The following ARHGEF18 variants were observed in gnomAD, a reference collection of about 807,000 sequenced individuals.
The protein encoded by ARHGEF18 is rho guanine nucleotide exchange factor 18.
In ARHGEF18, 93 loss-of-function variants were observed where a neutral mutation model predicts 155.7. That is an observed-to-expected ratio of 0.60 (90% CI 0.50 to 0.71). ARHGEF18 has a LOEUF of 0.71. Among genes scored for constraint, ARHGEF18 ranks in the 30% least tolerant of loss-of-function variants. The probability of loss-of-function intolerance (pLI) is 0.00; values close to 1 mark genes in which losing one functional copy is unlikely to be tolerated. For synonymous variants in ARHGEF18, 742 were observed against 753.1 expected (o/e 0.99, Z 0.24); for missense variants, 1,593 against 1,816.1 (o/e 0.88, Z 2.23).
At chr19:7,458,051 C>T (rs1315174390) in intron 18 of ARHGEF18, among the ~76,000 whole-genome samples, 2 of 151,942 alleles carry the variant, frequency 1.3e-5, no homozygotes, top group South Asian at 4.2e-4. Flanking sequence ...CTTTGGGAGG[C>T]CGAGATAGGA....
chr19:7,451,376 C>A, intron 16 of ARHGEF18, 110 bp downstream of exon 16: 6 of 871,378 alleles, frequency 6.9e-6, no homozygotes, highest in Non-Finnish European at 1.0e-5. Flanking sequence ...CCTTTGAAAT[C>A]CAGTTTGCTG....
the ARHGEF18 span, among the ~76,000 whole-genome samples, chr19:7,479,155 A>C: frequency 6.6e-6 from 1 of 152,178 alleles, no homozygotes; most frequent in Admixed American, 6.5e-5. Flanking sequence ...GGCTAGGGAA[A>C]AACACTGATT....
chr19:7,431,529 A>AG (rs1555718291), intron 10 of ARHGEF18, among the ~76,000 whole-genome samples: 5 of 146,844 alleles, frequency 3.4e-5, no homozygotes, highest in Non-Finnish European at 7.6e-5. Flanking sequence ...AAAAAAAAAA[A>AG]AAAAGGCCGG....
intron 10 of ARHGEF18, among the ~76,000 whole-genome samples, chr19:7,430,358 T>C (rs1410378413): frequency 7.7e-6 from 1 of 129,602 alleles, no homozygotes; most frequent in Non-Finnish European, 1.6e-5. Context: ...TACACTACCA[T>C]GCCTGGCTAA....
At position 7,348,999 on chromosome 19, in the gene ARHGEF18, T is replaced by A. The variant is rs1969096334; in HGVS notation, c.-353T>A. On this transcript the variant is annotated 5_prime_UTR_variant, in exon 1 of 29. Coordinates refer to ENST00000668164, the MANE Select transcript of ARHGEF18 (RefSeq NM_001367823.1). ...GGGCTCTCTGCCTCCAGAACCCCCATCCTCTGGGCTCTTTTTAGGCCCCTA... is the reference window on the plus strand; with the variant it reads ...GGGCTCTCTGCCTCCAGAACCCCCAACCTCTGGGCTCTTTTTAGGCCCCTA... The A allele has an allele frequency of 6.6e-6, 1 of 152,280 alleles. No individual in the cohort carries two copies. The highest frequency in any genetic ancestry group is 6.5e-5 in the Admixed American group (1 of 15,286). The allele number at this position is 152,280 out of a possible 1,614,324, so 9.4% of individuals were successfully genotyped here. A position where few individuals can be genotyped will look rare whatever the true frequency, so the allele number is the denominator to read the frequency against.
Position 7,462,249 on chromosome 19 carries a change from G to T in ARHGEF18, c.2550G>T (p.Leu850=). The T allele has an allele frequency of 6.2e-7, 1 of 1,613,878 alleles. No homozygotes were observed. Among genetic ancestry groups the T allele is most frequent in the East Asian group, 2.2e-5 (1 of 44,886 alleles). ...CCGAGATGGGCGGCCTCGAAGACCT[G>T]CCCCAGCCCCGAGGCCTATTCCGTG... ...EMAEMGGLED[L]PQPRGLFRGG... is the part of the protein sequence containing the mutation. The change falls in exon 21 of 29, where the codon CTG becomes CTT. Residue 850 remains leucine, a synonymous_variant. Coordinates refer to ENST00000668164, the MANE Select transcript of ARHGEF18 (RefSeq NM_001367823.1). The surrounding 1 kb of genome is among the most constrained non-coding windows in gnomAD (Gnocchi z 4.4).
chr19:7,444,104 C>T lies in ARHGEF18; in HGVS notation c.1361-100C>T. 6.7e-7 allele frequency: 1 copy of T among 1,495,562 alleles called. No individual in the cohort carries two copies. The highest frequency in any genetic ancestry group is 9.1e-7 in the Non-Finnish European group (1 of 1,101,704). The allele number at this position is 1,495,562 out of a possible 1,614,324, so 92.6% of individuals were successfully genotyped here. A position where few individuals can be genotyped will look rare whatever the true frequency, so the allele number is the denominator to read the frequency against. On this transcript the variant is annotated intron_variant, in intron 13 of 28. Coordinates refer to ENST00000668164, the MANE Select transcript of ARHGEF18 (RefSeq NM_001367823.1). The surrounding 1 kb of genome is among the most constrained non-coding windows in gnomAD (Gnocchi z 4.7). ...CACAAGGTCTTAGGCAGAGAACTCTCAGAAGCCAGTTCAGCACGTGAAGGG... is the reference window on the plus strand; with the variant it reads ...CACAAGGTCTTAGGCAGAGAACTCTTAGAAGCCAGTTCAGCACGTGAAGGG...
At chr19:7,468,186 G>C (rs112451544) in intron 26 of ARHGEF18, among the ~76,000 whole-genome samples, 3 of 151,220 alleles carry the variant, frequency 2.0e-5, no homozygotes, top group Non-Finnish European at 4.4e-5. Context: ...GGGCAACAGA[G>C]TGAGACATGA....
Position 7,383,069 on chromosome 19 carries a change from G to GC in ARHGEF18, c.836dup (p.Ala280SerfsTer98). 3 of 1,232,450 alleles carry GC rather than the reference G, an allele frequency of 2.4e-6. No homozygotes were observed. Among genetic ancestry groups the GC allele is most frequent in the Non-Finnish European group, 3.0e-6 (3 of 988,196 alleles). 76.3% of individuals were successfully genotyped at this position (1,232,450 alleles called of 1,614,324 possible). ...CACCTCTGTCCCATCCAGGGGAAGA[G>GC]CCCAGCACATCTGAAGGACAAGGGC... On this transcript the variant is annotated frameshift_variant, in exon 10 of 29. Coordinates refer to ENST00000668164, the MANE Select transcript of ARHGEF18 (RefSeq NM_001367823.1). LOFTEE classifies it high-confidence loss of function.
At chr19:7,377,074 C>T (rs910198425) in intron 5 of ARHGEF18, among the ~76,000 whole-genome samples, 10 of 130,320 alleles carry the variant, frequency 7.7e-5, no homozygotes, top group Non-Finnish European at 1.1e-4. Flanking sequence ...CTCTCTATGA[C>T]TCTTTTTTTT....
intron 2 of ARHGEF18, among the ~76,000 whole-genome samples, chr19:7,369,976 C>CA (rs1970126742): frequency 6.6e-6 from 1 of 151,928 alleles, no homozygotes. Flanking sequence ...CGGGGAGGAT[C>CA]ATCTGAAATC....
intron 1 of ARHGEF18, among the ~76,000 whole-genome samples, chr19:7,359,519 G>A (rs1195901322): frequency 2.0e-5 from 3 of 152,032 alleles, no homozygotes; most frequent in African/African-American, 7.3e-5. Flanking sequence ...TAAGAGCTAA[G>A]ACTATGACAC....
intron 10 of ARHGEF18, among the ~76,000 whole-genome samples, chr19:7,404,552 C>T (rs992375733): frequency 2.7e-5 from 4 of 149,998 alleles, no homozygotes; most frequent in South Asian, 4.2e-4. Flanking sequence ...CTCCGTCTCC[C>T]GGGTTCAAGT....
rs371269173 is a variant in ARHGEF18 at position 7,453,621 on chromosome 19, G to A, written c.2010G>A (p.Lys670=). The A allele has an allele frequency of 1.4e-4, 218 of 1,613,034 alleles. No homozygotes were observed. Among genetic ancestry groups the A allele is most frequent in the Non-Finnish European group, 1.8e-4 (210 of 1,179,298 alleles). The change falls in exon 17 of 29, where the codon AAG becomes AAA. Residue 670 remains lysine (K), a synonymous_variant. Coordinates refer to ENST00000668164, the MANE Select transcript of ARHGEF18 (RefSeq NM_001367823.1). Reference sequence around the variant, plus strand: ...ACCTGAAGTCTTCCAGCAAACTCAAGAACGGGCTCACCTTCCGCAAGGAAG... The same window carrying A: ...ACCTGAAGTCTTCCAGCAAACTCAAAAACGGGCTCACCTTCCGCAAGGAAG... ...KMDLKSSSKL[K]NGLTFRKEDM...
At position 7,362,674 on chromosome 19, in the gene ARHGEF18, G is replaced by T. The variant is rs557787084; in HGVS notation, c.-110-107G>T. ...CCCCTCACCAACTCATTTTATAGTT[G>T]AGAAAACTGAGGTCCAGGGTGACCA... On this transcript the variant is annotated intron_variant, in intron 1 of 28. Transcript: ENST00000668164. The T allele has an allele frequency of 1.9e-4, 207 of 1,066,652 alleles. 1 individual carries two copies. The East Asian group carries it at 6.5e-3, about 33-fold the overall frequency. 66.1% of individuals were successfully genotyped at this position (1,066,652 alleles called of 1,614,324 possible).
Position 7,379,146 on chromosome 19 carries a change from A to C in ARHGEF18, c.624A>C (p.Gln208His), listed in dbSNP as rs887804704. 21 of 1,232,582 alleles carry C rather than the reference A, an allele frequency of 1.7e-5. No homozygotes were observed. The highest frequency in any genetic ancestry group is 3.1e-5 in the African/African-American group (2 of 64,438). 76.4% of individuals were successfully genotyped at this position (1,232,582 alleles called of 1,614,324 possible). ...GGCTGATTGTCCAGCAGGTGCTTCAAGAACTTCGACAGTACCATGGGTAAG... is the reference window on the plus strand; with the variant it reads ...GGCTGATTGTCCAGCAGGTGCTTCACGAACTTCGACAGTACCATGGGTAAG... ...DHVLIVQQVL[Q>H]ELRQYHGARQ... Residue 208 changes from glutamine (Q) to histidine (H), a missense_variant, in exon 7 of 29, where the codon CAA becomes CAC. By Grantham distance (24) the Gln-to-His change is conservative. Coordinates refer to ENST00000668164, the MANE Select transcript of ARHGEF18 (RefSeq NM_001367823.1).
At chr19:7,434,717 G>A (rs1382844678) in intron 10 of ARHGEF18, among the ~76,000 whole-genome samples, 2 of 152,204 alleles carry the variant, frequency 1.3e-5, no homozygotes, top group Non-Finnish European at 2.9e-5. Flanking sequence ...CCCACCATAT[G>A]TTGAGCTGCA....
Position 7,470,128 on chromosome 19 carries a change from C to T in ARHGEF18, c.3916C>T (p.Pro1306Ser), listed in dbSNP as rs1351435775. 2.3e-5 allele frequency: 37 copies of T among 1,612,184 alleles called. No individual in the cohort carries two copies. The highest frequency in any genetic ancestry group is 2.4e-5 in the Non-Finnish European group (28 of 1,179,734). The stretch of plus-strand genomic sequence containing the variant: ...TCTGAACCCTCTCTCTGTTCCAGAC[C>T]CTGGCTTCCCCGCCCCGAGCCCACC... ...GRHSPAPPPD[P>S]GFPAPSPPPA... Residue 1306 changes from proline to serine, a missense_variant and splice_region_variant, in exon 29 of 29, where the codon CCT becomes TCT. Physicochemically the swap from Pro to Ser is moderately conservative, Grantham distance 74. Coordinates refer to ENST00000668164, the MANE Select transcript of ARHGEF18 (RefSeq NM_001367823.1). This position sits in a 1 kb window ranked among gnomAD's most constrained non-coding sequence, Gnocchi z 5.9.
intron 1 of ARHGEF18, among the ~76,000 whole-genome samples, chr19:7,357,738 G>A (rs141459202): frequency 3.3e-5 from 5 of 152,030 alleles, no homozygotes; most frequent in Admixed American, 6.6e-5. Context: ...GGAATTTCCC[G>A]GGGAAAGGGT....
Sources: allele counts gnomAD v4.1 joint callset (sites outside exome capture counted in the v4.1 genomes callset), GRCh38; gene constraint gnomAD v4.1.1; non-coding constraint Gnocchi (gnomAD v3.1); transcripts MANE v1.5; gene names NCBI Gene and HGNC (gene_info 2026-07-23, HGNC 2026-07-21).